The following TSEN54 variants were observed in gnomAD, a reference collection of about 807,000 sequenced individuals.
TSEN54 encodes tRNA-splicing endonuclease subunit Sen54.
Under a neutral mutation model 61.9 loss-of-function variants are expected in TSEN54, and 55 were observed. The observed-to-expected ratio is 0.89, with a 90% CI of 0.72 to 1.11. TSEN54 has a LOEUF of 1.11. Among genes scored for constraint, TSEN54 ranks in the 50% most tolerant of loss-of-function variants. TSEN54 has a pLI of 0.00. For synonymous variants in TSEN54, 304 were observed against 288.7 expected (o/e 1.05, Z -0.54); for missense variants, 760 against 687.7 (o/e 1.11, Z -1.18).
intron 5 of TSEN54, among the ~76,000 whole-genome samples, chr17:75,518,195 G>A (rs1289555769): frequency 6.6e-6 from 1 of 152,222 alleles, no homozygotes; most frequent in Admixed American, 6.5e-5. Context: ...ACATCCAAGT[G>A]AGTGTAAAGC....
chr17:75,524,188 A>C lies in TSEN54; in HGVS notation c.1431-74A>C, dbSNP rs562267406. ...CTTGCACCCCAACTCCTTCCGTAGA[A>C]TCTCTTCTCTGGGAGCCCTAGAGCT... is the stretch of plus-strand genomic sequence containing the variant. On this transcript the variant is annotated intron_variant, in intron 10 of 10. Transcript: ENST00000333213. 2.8e-4 allele frequency: 454 copies of C among 1,604,932 alleles called. 7 individuals are homozygous for C. In the South Asian group the frequency reaches 3.9e-3, roughly 14 times the overall value.
In TSEN54 at chr17:75,522,254, G is replaced by C. The variant is rs577958629; in HGVS notation, c.1173G>C (p.Gln391His). 43 of 1,547,642 alleles carry C rather than the reference G, an allele frequency of 2.8e-5. 1 individual carries two copies. The South Asian group carries it at 4.4e-4, about 16-fold the overall frequency. ...YKELLQRRQV[Q>H]RSQRRAPHLW... ...AGCTGCTGCAGCGGCGGCAGGTGCAGAGGAGCCAGCGCCGGGCCCCTCACC... is the reference window on the plus strand; with the variant it reads ...AGCTGCTGCAGCGGCGGCAGGTGCACAGGAGCCAGCGCCGGGCCCCTCACC... Residue 391 changes from glutamine to histidine, a missense_variant, in exon 8 of 11, where the codon CAG (glutamine) becomes CAC (histidine). Coordinates refer to ENST00000333213, the MANE Select transcript of TSEN54 (RefSeq NM_207346.3).
At chr17:75,522,611 T>C in intron 8 of TSEN54, 1 of 1,244,290 alleles carries the variant, frequency 8.0e-7, no homozygotes, top group Non-Finnish European at 1.1e-6. Flanking sequence ...TGCCACCAAC[T>C]AGCTGTGATC....
chr17:75,521,791 C>T lies in TSEN54; in HGVS notation c.710C>T (p.Pro237Leu). The T allele has an allele frequency of 6.2e-7, 1 of 1,613,146 alleles. No homozygotes were observed. Among genetic ancestry groups the T allele is most frequent in the Non-Finnish European group, 8.5e-7 (1 of 1,179,990 alleles). The part of the protein sequence containing the change: ...AASSPPPCSQ[P>L]SQCPEEKPQE... ...TCCAGCCCACCTCCCTGCAGCCAGCCCAGCCAATGCCCAGAGGAGAAACCC... is the reference window on the plus strand; with the variant it reads ...TCCAGCCCACCTCCCTGCAGCCAGCTCAGCCAATGCCCAGAGGAGAAACCC... Residue 237 changes from proline to leucine, a missense_variant, in exon 8 of 11, where the codon CCC (proline) becomes CTC (leucine). Physicochemically the swap from Pro to Leu is moderately conservative, Grantham distance 98. Coordinates refer to ENST00000333213, the MANE Select transcript of TSEN54 (RefSeq NM_207346.3).
In TSEN54 at chr17:75,523,292, A is replaced by G; in HGVS notation, c.1270A>G (p.Ile424Val). ...CCTTGTAGCCGTGGTCCTTCAGCAT[A>G]TCTCTGTGCTGCAGACAACACACCT... ...ASSPAVVLQHISVLQTTHLPD... is the reference protein window; with the variant it reads ...ASSPAVVLQHVSVLQTTHLPD... The change falls in exon 9 of 11, where the codon ATC (isoleucine) becomes GTC (valine). Residue 424 changes from isoleucine (I) to valine (V), a missense_variant. Ile to Val is a conservative substitution (Grantham distance 29, BLOSUM62 3). This residue lies in a region of TSEN54 where 667 missense variants were observed against 577.8 expected (regional missense o/e 1.15). Transcript: ENST00000333213. The G allele has an allele frequency of 2.5e-6, 4 of 1,614,132 alleles. No homozygotes were observed. The Admixed American group carries it at 6.7e-5, about 27-fold the overall frequency.
Position 75,522,179 on chromosome 17 carries a change from C to A in TSEN54, c.1098C>A (p.Val366=). 6.5e-7 allele frequency: 1 copy of A among 1,550,252 alleles called. No individual in the cohort carries two copies. Among genetic ancestry groups the A allele is most frequent in the Non-Finnish European group, 8.7e-7 (1 of 1,144,868 alleles). The change falls in exon 8 of 11, where the codon GTC becomes GTA. Residue 366 remains valine (V), a synonymous_variant. Transcript: ENST00000333213. The stretch of plus-strand genomic sequence containing the variant: ...AGGCCGCGCAGTTCCAGGAAGATGT[C>A]AACGCCGATCCCGAGGTGCAGCGGT... ...HAEAAQFQED[V]NADPEVQRCS... is the part of the protein sequence containing the mutation.
At position 75,517,051 on chromosome 17, in the gene TSEN54, C is replaced by A; in HGVS notation, c.264C>A (p.Phe88Leu). ...VAAEWRPEEG[F>L]VELKSPAGKF... ...CCGAGTGGAGGCCAGAAGAGGGCTT[C>A]GTGGAGTTGAAGTCTCCCGCGGTGA... Residue 88 changes from phenylalanine to leucine, a missense_variant, in exon 3 of 11, where the codon TTC (phenylalanine) becomes TTA (leucine). Phe to Leu is a conservative substitution (Grantham distance 22). This residue lies in a region of TSEN54 where 667 missense variants were observed against 577.8 expected (regional missense o/e 1.15). Transcript: ENST00000333213. The A allele has an allele frequency of 6.3e-7, 1 of 1,596,984 alleles. No individual in the cohort carries two copies. The highest frequency in any genetic ancestry group is 8.5e-7 in the Non-Finnish European group (1 of 1,172,584).
At position 75,517,202 on chromosome 17, in the gene TSEN54, G is replaced by T. The variant is rs1335385675; in HGVS notation, c.327G>T (p.Arg109=). The change falls in exon 4 of 11, where the codon CGG becomes CGT. Residue 109 remains arginine, a synonymous_variant. Transcript: ENST00000333213. ...CCATGGGCTTCTCAGAGCAGGGCCGGCAGCGCCTTCACCCGGAAGAGGCCT... is the reference window on the plus strand; with the variant it reads ...CCATGGGCTTCTCAGAGCAGGGCCGTCAGCGCCTTCACCCGGAAGAGGCCT... ...WQTMGFSEQG[R]QRLHPEEALY... is the part of the protein sequence containing the mutation. 6.2e-7 allele frequency: 1 copy of T among 1,606,948 alleles called. No homozygotes were observed. Among genetic ancestry groups the T allele is most frequent in the African/African-American group, 1.3e-5 (1 of 74,768 alleles).
chr17:75,518,309 T>C (rs73362237), intron 5 of TSEN54, among the ~76,000 whole-genome samples: 14,702 of 152,152 alleles, frequency 0.097, 964 homozygotes, highest in African/African-American at 0.17. Flanking sequence ...TACTGGGCTG[T>C]ATGGGAGTGC....
rs372450713 is a variant in TSEN54 at position 75,519,061 on chromosome 17, C to T, written c.521+14C>T. ...ATTCCAACCAAGGTAAATCCCCTTCCTGTTCCCCTTCCATATATTCTAGTC... is the reference window on the plus strand; with the variant it reads ...ATTCCAACCAAGGTAAATCCCCTTCTTGTTCCCCTTCCATATATTCTAGTC... On this transcript the variant is annotated intron_variant, in intron 6 of 10. Coordinates refer to ENST00000333213, the MANE Select transcript of TSEN54 (RefSeq NM_207346.3). 3.7e-6 allele frequency: 6 copies of T among 1,613,822 alleles called. No homozygotes were observed. Among genetic ancestry groups the T allele is most frequent in the Non-Finnish European group, 3.4e-6 (4 of 1,179,946 alleles).
intron 6 of TSEN54, among the ~76,000 whole-genome samples, chr17:75,519,289 C>T (rs2053404509): frequency 6.6e-6 from 1 of 152,204 alleles, no homozygotes; most frequent in Admixed American, 6.5e-5. Context: ...GCGCCTGCAG[C>T]TGAGTGTGTG....
rs2053401830 is a variant in TSEN54, at chr17:75,519,041, A to G, written c.515A>G (p.Gln172Arg). ...KRLGYVVRRF[Q>R]PSSVLSPYER... ...TTGGGTTATGTGGTTCGACGATTCCAACCAAGGTAAATCCCCTTCCTGTTC... is the reference window on the plus strand; with the variant it reads ...TTGGGTTATGTGGTTCGACGATTCCGACCAAGGTAAATCCCCTTCCTGTTC... The change falls in exon 6 of 11, where the codon CAA (glutamine) becomes CGA (arginine). Residue 172 changes from glutamine to arginine, a missense_variant. Transcript: ENST00000333213. 2 of 1,613,800 alleles carry G rather than the reference A, an allele frequency of 1.2e-6. No homozygotes were observed. The highest frequency in any genetic ancestry group is 1.7e-6 in the Non-Finnish European group (2 of 1,179,956).
chr17:75,523,827 C>T (rs765685177), intron 10 of TSEN54, 48 bp downstream of exon 10: 3 of 1,595,842 alleles, frequency 1.9e-6, no homozygotes, highest in South Asian at 2.2e-5. Flanking sequence ...TGCCAGTTCT[C>T]CTGTGAACCA....
At position 75,519,027 on chromosome 17, in the gene TSEN54, G is replaced by A; in HGVS notation, c.501G>A (p.Val167=). Residue 167 remains valine (V), a synonymous_variant, in exon 6 of 11, where the codon GTG becomes GTA. Coordinates refer to ENST00000333213, the MANE Select transcript of TSEN54 (RefSeq NM_207346.3). ...GCCACCTGAAGAGGTTGGGTTATGT[G>A]GTTCGACGATTCCAACCAAGGTAAA... The part of the protein sequence containing the change: ...VFSHLKRLGY[V]VRRFQPSSVL... 6.2e-7 allele frequency: 1 copy of A among 1,613,770 alleles called. No homozygotes were observed. The highest frequency in any genetic ancestry group is 8.5e-7 in the Non-Finnish European group (1 of 1,179,956).
At position 75,524,648 on chromosome 17, in the gene TSEN54, G is replaced by A; in HGVS notation, c.*236G>A. Reference sequence around the variant, plus strand: ...ACTCGATTTTAAGGACCCAGGAGGTGGGGCAGAAGAGAGGACTGTGTGCCT... The same window carrying A: ...ACTCGATTTTAAGGACCCAGGAGGTAGGGCAGAAGAGAGGACTGTGTGCCT... On this transcript the variant is annotated 3_prime_UTR_variant, in exon 11 of 11. Transcript: ENST00000333213. 1 of 636,112 alleles carries A rather than the reference G, an allele frequency of 1.6e-6. No homozygotes were observed. The highest frequency in any genetic ancestry group is 2.9e-6 in the Non-Finnish European group (1 of 350,506). The allele number at this position is 636,112 out of a possible 1,614,324, so 39.4% of individuals were successfully genotyped here.
chr17:75,523,415 G>T (rs1329334034), intron 9 of TSEN54, 80 bp downstream of exon 9: 4 of 1,611,154 alleles, frequency 2.5e-6, no homozygotes, highest in Middle Eastern at 1.7e-4. Flanking sequence ...CTGAAGTAGG[G>T]TGTAAACTAG....
At chr17:75,523,228 G>A in intron 8 of TSEN54, 47 bp from the exon 9 acceptor site, 6 of 1,613,892 alleles carry the variant, frequency 3.7e-6, no homozygotes, top group Non-Finnish European at 5.1e-6. Context: ...GGCAGACTGA[G>A]AAATGTGACT....
chr17:75,516,864 C>G lies in TSEN54; in HGVS notation c.175C>G (p.Arg59Gly), dbSNP rs1214796361. The G allele has an allele frequency of 3.2e-6, 5 of 1,568,044 alleles. No individual in the cohort carries two copies. Among genetic ancestry groups the G allele is most frequent in the Non-Finnish European group, 4.3e-6 (5 of 1,163,848 alleles). The change falls in exon 2 of 11, where the codon CGG becomes GGG. Residue 59 changes from arginine to glycine, a missense_variant. By Grantham distance (125) the Arg-to-Gly change is moderately radical. Transcript: ENST00000333213. ...TCAGGCCGAGCGGCTGCGCCGGTGCCGGGAAGAGCTCTGGCAGCTGCTGGC... is the reference window on the plus strand; with the variant it reads ...TCAGGCCGAGCGGCTGCGCCGGTGCGGGGAAGAGCTCTGGCAGCTGCTGGC... Reference protein sequence around the residue: ...AAQAERLRRCREELWQLLAEQ... With the variant: ...AAQAERLRRCGEELWQLLAEQ...
In TSEN54 at chr17:75,521,454, C is replaced by CGT. The variant is rs1348217152; in HGVS notation, c.569_570dup (p.Gln191CysfsTer62). On this transcript the variant is annotated frameshift_variant, in exon 7 of 11. Coordinates refer to ENST00000333213, the MANE Select transcript of TSEN54 (RefSeq NM_207346.3). LOFTEE classifies it high-confidence loss of function. ...AGAGGCAGCTTAACCTGGATGCCAG[C>CGT]GTGCAGCACTTGGAGGATGGAGATG... The CGT allele has an allele frequency of 6.2e-7, 1 of 1,614,002 alleles. No homozygotes were observed. The highest frequency in any genetic ancestry group is 2.2e-5 in the East Asian group (1 of 44,898).
Sources: allele counts gnomAD v4.1 joint callset (sites outside exome capture counted in the v4.1 genomes callset), GRCh38; gene constraint gnomAD v4.1.1; regional missense constraint gnomAD v4.1.1; transcripts MANE v1.5; gene names NCBI Gene and HGNC (gene_info 2026-07-23, HGNC 2026-07-21).